PPIL2: variants seen among roughly 807,000 people sequenced by gnomAD.
PPIL2 encodes the protein peptidylprolyl isomerase like 2.
PPIL2 carries 50 observed loss-of-function variants against 75.2 expected under a neutral mutation model. That is an observed-to-expected ratio of 0.66 (90% CI 0.53 to 0.84). PPIL2 has a LOEUF of 0.84. Ranked by LOEUF, PPIL2 falls within the 40% of genes least tolerant of loss-of-function variation. PPIL2 has a pLI of 0.00. For missense variants in PPIL2, 590 were observed against 685.0 expected (o/e 0.86, Z 1.55); for synonymous variants, 245 against 258.8 (o/e 0.95, Z 0.51).
intron 1 of PPIL2, chr22:21,669,461 G>T (rs1393035497): frequency 2.5e-6 from 1 of 408,058 alleles, no homozygotes; most frequent in South Asian, 1.7e-5. Context: ...CATGTCTGTT[G>T]TGTTTATCAC....
rs548188254 is a variant in PPIL2 at position 21,696,189 on chromosome 22, G to A, written c.*699G>A. ...GGGCTTCTGAAGGCTGGTGTTGGAC[G>A]GCAGCATTGAGTTTCCTGCCGTGCC... On this transcript the variant is annotated 3_prime_UTR_variant, in exon 20 of 20. Transcript: ENST00000398831. 2.6e-5 allele frequency: 26 copies of A among 1,000,936 alleles called. No homozygotes were observed. Among genetic ancestry groups the A allele is most frequent in the African/African-American group, 1.6e-4 (9 of 57,488 alleles). The allele number at this position is 1,000,936 out of a possible 1,614,324, so 62.0% of individuals were successfully genotyped here.
At chr22:21,670,697 T>C in intron 3 of PPIL2, 86 bp downstream of exon 3, 2 of 1,415,576 alleles carry the variant, frequency 1.4e-6, no homozygotes, top group South Asian at 2.3e-5. Flanking sequence ...GATGTGGGGT[T>C]ATGCGTAAAA....
In PPIL2 at chr22:21,696,087, A is replaced by G; in HGVS notation, c.*597A>G. On this transcript the variant is annotated 3_prime_UTR_variant, in exon 20 of 20. Transcript: ENST00000398831. ...CCTGACCAACGCCATTACCTGGGAC[A>G]AGTTTTCAGACCCCAGACTTACTGA... is the stretch of plus-strand genomic sequence containing the variant. 2.2e-6 allele frequency: 2 copies of G among 925,572 alleles called. No homozygotes were observed. Among genetic ancestry groups the G allele is most frequent in the Non-Finnish European group, 2.6e-6 (2 of 772,018 alleles). 57.3% of individuals were successfully genotyped at this position (925,572 alleles called of 1,614,324 possible). A position where few individuals can be genotyped will look rare whatever the true frequency, so the allele number is the denominator to read the frequency against.
chr22:21,696,071 C>T lies in PPIL2; in HGVS notation c.*581C>T, dbSNP rs994804031. On this transcript the variant is annotated 3_prime_UTR_variant, in exon 20 of 20. Coordinates refer to ENST00000398831, the MANE Select transcript of PPIL2 (RefSeq NM_014337.4). ...ACAACCAGTGTGGTCCCCTGACCAACGCCATTACCTGGGACAAGTTTTCAG... is the reference window on the plus strand; with the variant it reads ...ACAACCAGTGTGGTCCCCTGACCAATGCCATTACCTGGGACAAGTTTTCAG... 3 of 827,284 alleles carry T rather than the reference C, an allele frequency of 3.6e-6. No homozygotes were observed. Among genetic ancestry groups the T allele is most frequent in the Non-Finnish European group, 4.4e-6 (3 of 681,946 alleles). The allele number at this position is 827,284 out of a possible 1,614,324, so 51.2% of individuals were successfully genotyped here.
At chr22:21,693,545 G>C (rs2148576146) in intron 15 of PPIL2, among the ~76,000 whole-genome samples, 1 of 152,308 alleles carries the variant, frequency 6.6e-6, no homozygotes, top group Middle Eastern at 3.4e-3. Context: ...ACCTGGTTCT[G>C]GGCACAGGGA....
At chr22:21,667,660 C>T (rs757920856) in intron 1 of PPIL2, among the ~76,000 whole-genome samples, 23 of 152,040 alleles carry the variant, frequency 1.5e-4, no homozygotes, top group Non-Finnish European at 2.6e-4. Context: ...TAAACATTCT[C>T]TGTGGGTGAT....
chr22:21,696,739 C>G lies in PPIL2; in HGVS notation c.*1249C>G, dbSNP rs2067950017. 1 of 1,539,364 alleles carries G rather than the reference C, an allele frequency of 6.5e-7. No homozygotes were observed. The highest frequency in any genetic ancestry group is 1.4e-5 in the African/African-American group (1 of 73,036). ...CATTTTTGTTGCCCCAAATCTTGAA[C>G]CTGTCAGCAACTTGCAGGCTGTACC... On this transcript the variant is annotated 3_prime_UTR_variant, in exon 20 of 20. Transcript: ENST00000398831.
rs1231538088 is a variant in PPIL2 at position 21,672,356 on chromosome 22, A to G, written c.218A>G (p.Tyr73Cys). Residue 73 changes from tyrosine to cysteine, a missense_variant, in exon 5 of 20, where the codon TAC becomes TGC. Physicochemically the swap from Tyr to Cys is radical, Grantham distance 194. Transcript: ENST00000398831. ...AACATTGTTCCATGGCTTAAGAAGT[A>G]CGGGACCAACCCCAGCAATGGAGAG... ...LLNIVPWLKKYGTNPSNGEKL... is the reference protein window; with the variant it reads ...LLNIVPWLKKCGTNPSNGEKL... The G allele has an allele frequency of 9.9e-6, 16 of 1,612,262 alleles. No individual in the cohort carries two copies. Among genetic ancestry groups the G allele is most frequent in the Non-Finnish European group, 1.4e-5 (16 of 1,178,432 alleles).
At chr22:21,691,674 C>T (rs1050513214) in intron 15 of PPIL2, among the ~76,000 whole-genome samples, 8 of 149,176 alleles carry the variant, frequency 5.4e-5, no homozygotes, top group South Asian at 2.1e-4. Flanking sequence ...GGTGACAGAG[C>T]GAGACTCCGT....
chr22:21,681,302 A>C lies in PPIL2; in HGVS notation c.299A>C (p.Lys100Thr). 3.1e-6 allele frequency: 5 copies of C among 1,613,056 alleles called. No homozygotes were observed. Among genetic ancestry groups the C allele is most frequent in the Non-Finnish European group, 4.2e-6 (5 of 1,179,002 alleles). Reference protein sequence around the residue: ...KLNFSKNSEGKYHCPVLFTVF... With the variant: ...KLNFSKNSEGTYHCPVLFTVF... ...CCTGTGTGTGCCTTCTCTCTAGGGA[A>C]GTACCACTGCCCAGTGCTGTTTACC... The change falls in exon 7 of 20, where the codon AAG (lysine) becomes ACG (threonine). Residue 100 changes from lysine to threonine, a missense_variant. Coordinates refer to ENST00000398831, the MANE Select transcript of PPIL2 (RefSeq NM_014337.4).
chr22:21,672,514 T>A, intron 5 of PPIL2, 133 bp downstream of exon 5: 2 of 862,164 alleles, frequency 2.3e-6, no homozygotes, highest in Non-Finnish European at 3.8e-6. Context: ...GGAGGGACAG[T>A]CTTCCCCTCC....
intron 15 of PPIL2, among the ~76,000 whole-genome samples, chr22:21,693,344 G>A (rs1180245794): frequency 6.6e-6 from 1 of 152,228 alleles, no homozygotes; most frequent in Admixed American, 6.5e-5. Flanking sequence ...CACTGTGCCT[G>A]GACGACCTGA....
intron 6 of PPIL2, among the ~76,000 whole-genome samples, chr22:21,677,890 G>T (rs1387499668): frequency 6.6e-6 from 1 of 152,160 alleles, no homozygotes; most frequent in Admixed American, 6.5e-5. Context: ...GGAGAGGGCC[G>T]CCCTGACCCG....
intron 6 of PPIL2, among the ~76,000 whole-genome samples, chr22:21,676,484 G>A (rs954928495): frequency 2.6e-5 from 4 of 151,690 alleles, no homozygotes; most frequent in Non-Finnish European, 5.9e-5. Context: ...GAGGTCTCTG[G>A]TTTTCCTAGG....
intron 8 of PPIL2, 110 bp downstream of exon 8, chr22:21,682,636 C>T: frequency 1.1e-6 from 1 of 869,984 alleles, no homozygotes; most frequent in East Asian, 2.7e-5. Flanking sequence ...GTCCTCAAAG[C>T]CACCTGAGGC....
At chr22:21,668,743 G>A (rs112381187) in intron 1 of PPIL2, among the ~76,000 whole-genome samples, 58,417 of 143,078 alleles carry the variant, frequency 0.41, 13,456 homozygotes, top group African/African-American at 0.63. Context: ...ACGGAGTCTC[G>A]CTCTGTCGCC....
chr22:21,686,827 C>A, intron 11 of PPIL2, 65 bp from the exon 12 acceptor site: 1 of 1,486,640 alleles, frequency 6.7e-7, no homozygotes, highest in Non-Finnish European at 9.4e-7. Flanking sequence ...GAGGTCGGTG[C>A]TGCCTGGCAT....
In PPIL2 at chr22:21,683,159, T is replaced by C. The variant is rs1188076493; in HGVS notation, c.478-23T>C. ...TGGCCGTAGGCTGGGTTCACTCTGC[T>C]GGGCATTCTCTTTTTGCCACAGGAC... On this transcript the variant is annotated intron_variant, in intron 8 of 19. Transcript: ENST00000398831. The C allele has an allele frequency of 6.3e-6, 10 of 1,597,346 alleles. No homozygotes were observed. In the South Asian group the frequency reaches 1.1e-4, roughly 18 times the overall value.
intron 1 of PPIL2, among the ~76,000 whole-genome samples, 199 bp downstream of exon 1, chr22:21,666,330 C>T (rs1041685976): frequency 6.6e-6 from 1 of 152,104 alleles, no homozygotes; most frequent in Non-Finnish European, 1.5e-5. Flanking sequence ...GCCGCGGCTC[C>T]GATGACGTCA....
Sources: gnomAD v4.1 joint callset for allele counts (sites outside exome capture counted in the v4.1 genomes callset) on GRCh38, gnomAD v4.1.1 for gene constraint, MANE v1.5 for transcripts, NCBI Gene and HGNC (gene_info 2026-07-23, HGNC 2026-07-21) for gene names.